Variants in CCDC92B observed in about 807,000 individuals in gnomAD.
The protein encoded by CCDC92B is coiled-coil domain-containing 92B.
CCDC92B carries 2 observed loss-of-function variants against 5.6 expected under a neutral mutation model. That is an observed-to-expected ratio of 0.36 (90% CI 0.15 to 1.12). The LOEUF is 1.12. Among genes scored for constraint, CCDC92B ranks in the 50% most tolerant of loss-of-function variants. The pLI is 0.40. For synonymous variants in CCDC92B, 115 were observed against 122.3 expected (o/e 0.94, Z 0.39); for missense variants, 271 against 262.2 (o/e 1.03, Z -0.23).
At chr17:2,725,362 GACACAACGAGATTCCGTCTCAAA>G (rs2070716206) in intron 3 of CCDC92B, among the ~76,000 whole-genome samples, 1 of 151,996 alleles carries the variant, frequency 6.6e-6, no homozygotes, top group Admixed American at 6.6e-5. Context: ...CAGCCTAGGT[GACACAACGAGATTCCGTCTCAAA>G]AAGCAAAAAC....
Position 2,723,979 on chromosome 17 carries a change from CGGGGGGT to C in CCDC92B, c.*425_*431del. 3.6e-6 allele frequency: 1 copy of C among 274,584 alleles called. No individual in the cohort carries two copies. Among genetic ancestry groups the C allele is most frequent in the Non-Finnish European group, 4.0e-6 (1 of 249,954 alleles). The allele number at this position is 274,584 out of a possible 1,614,324, so 17.0% of individuals were successfully genotyped here. ...GGCGTCGGCGCGGGGGTGGGGGAGG[CGGGGGGT>C]GGGGAGCTAGAGGGCCTGGGGCGCC... On this transcript the variant is annotated 3_prime_UTR_variant, in exon 4 of 4. Coordinates refer to ENST00000614400, the MANE Select transcript of CCDC92B (RefSeq NM_001355573.2).
chr17:2,745,674 A>G (rs1296758390), intron 1 of CCDC92B, among the ~76,000 whole-genome samples: 1 of 152,172 alleles, frequency 6.6e-6, no homozygotes, highest in East Asian at 1.9e-4. Context: ...CTAAGCCAGG[A>G]AAACGTCCGA....
chr17:2,745,799 C>T (rs1461519406), intron 1 of CCDC92B, among the ~76,000 whole-genome samples: 6 of 152,136 alleles, frequency 3.9e-5, no homozygotes, highest in Admixed American at 3.9e-4. Flanking sequence ...CTCCATCTTT[C>T]CCCCCGACAC....
At chr17:2,744,418 T>C (rs2070963001) in intron 1 of CCDC92B, among the ~76,000 whole-genome samples, 1 of 152,220 alleles carries the variant, frequency 6.6e-6, no homozygotes, top group Admixed American at 6.6e-5. Context: ...CTCGAACTCC[T>C]GGTCTCAAGC....
intron 1 of CCDC92B, among the ~76,000 whole-genome samples, chr17:2,747,460 C>T (rs1273363790): frequency 6.6e-6 from 1 of 152,162 alleles, no homozygotes; most frequent in Non-Finnish European, 1.5e-5. Context: ...GGTGCGGTGG[C>T]TCACGCCTGT....
intron 3 of CCDC92B, among the ~76,000 whole-genome samples, chr17:2,727,607 C>G (rs895628154): frequency 2.6e-5 from 4 of 152,178 alleles, no homozygotes; most frequent in Non-Finnish European, 4.4e-5. Flanking sequence ...GGGCGGATCA[C>G]AAGGTCAGGA....
At chr17:2,727,916 G>A (rs1219843848) in intron 3 of CCDC92B, among the ~76,000 whole-genome samples, 1 of 152,148 alleles carries the variant, frequency 6.6e-6, no homozygotes, top group Non-Finnish European at 1.5e-5. Context: ...GCTGAGGTGG[G>A]AGGATCTCTT....
At chr17:2,727,778 C>T (rs10445282) in intron 3 of CCDC92B, among the ~76,000 whole-genome samples, 9,544 of 149,898 alleles carry the variant, frequency 0.064, 432 homozygotes, top group East Asian at 0.16. Flanking sequence ...GAGCTGAGAT[C>T]GCGCCACTGC....
rs2070699502 is a variant in CCDC92B at position 2,724,453 on chromosome 17, C to A, written c.726G>T (p.Gln242His). ...PQEPPDRAGP[Q>H]PAPSQPSAPG... is the part of the protein sequence containing the mutation. ...GCGCGCTGGGCTGGCTGGGCGCGGGCTGCGGGCCGGCTCGGTCCGGGGGCT... is the reference window on the plus strand; with the variant it reads ...GCGCGCTGGGCTGGCTGGGCGCGGGATGCGGGCCGGCTCGGTCCGGGGGCT... The change falls in exon 4 of 4, where the codon CAG (glutamine) becomes CAT (histidine). Residue 242 changes from glutamine (Q) to histidine (H), a missense_variant. Physicochemically the swap from Gln to His is conservative, Grantham distance 24. Coordinates refer to ENST00000614400, the MANE Select transcript of CCDC92B (RefSeq NM_001355573.2). The surrounding 1 kb of genome is among the most constrained non-coding windows in gnomAD (Gnocchi z 5.0). The A allele has an allele frequency of 4.1e-6, 4 of 983,904 alleles. No individual in the cohort carries two copies. The highest frequency in any genetic ancestry group is 4.8e-6 in the Non-Finnish European group (4 of 829,464). 60.9% of individuals were successfully genotyped at this position (983,904 alleles called of 1,614,324 possible).
intron 2 of CCDC92B, among the ~76,000 whole-genome samples, chr17:2,731,042 C>T (rs1347228928): frequency 1.3e-5 from 2 of 152,228 alleles, no homozygotes; most frequent in African/African-American, 4.8e-5. Flanking sequence ...TGTGTTATTA[C>T]CTGAACATCA....
intron 1 of CCDC92B, among the ~76,000 whole-genome samples, chr17:2,738,907 C>A (rs1267719551): frequency 6.7e-6 from 1 of 150,312 alleles, no homozygotes; most frequent in Non-Finnish European, 1.5e-5. Context: ...CCTGTCTGTA[C>A]TAAAAATACA....
chr17:2,724,101 C>T lies in CCDC92B; in HGVS notation c.*310G>A, dbSNP rs1306950785. 2.0e-6 allele frequency: 2 copies of T among 985,012 alleles called. No homozygotes were observed. The highest frequency in any genetic ancestry group is 5.2e-4 in the Middle Eastern group (1 of 1,936). The allele number at this position is 985,012 out of a possible 1,614,324, so 61.0% of individuals were successfully genotyped here. ...GCTTTCCCGGGGAAGGGCGTGGCCC[C>T]CGCCCCTCCTGTCTCACAGGCAGGT... On this transcript the variant is annotated 3_prime_UTR_variant, in exon 4 of 4. Coordinates refer to ENST00000614400, the MANE Select transcript of CCDC92B (RefSeq NM_001355573.2). The surrounding 1 kb of genome is among the most constrained non-coding windows in gnomAD (Gnocchi z 5.0).
chr17:2,738,554 C>A (rs895921702), intron 1 of CCDC92B, among the ~76,000 whole-genome samples: 1 of 150,846 alleles, frequency 6.6e-6, no homozygotes, highest in Admixed American at 6.6e-5. Flanking sequence ...GGGCGGATCA[C>A]GAGGTCGGGA....
intron 1 of CCDC92B, among the ~76,000 whole-genome samples, chr17:2,739,318 G>C (rs2070897773): frequency 6.6e-6 from 1 of 151,612 alleles, no homozygotes; most frequent in African/African-American, 2.4e-5. Context: ...AGTGAGCTGA[G>C]ATCGCGCCAT....
chr17:2,745,056 G>A (rs1428830949), intron 1 of CCDC92B, among the ~76,000 whole-genome samples: 8 of 106,208 alleles, frequency 7.5e-5, no homozygotes, highest in Non-Finnish European at 7.3e-5. Context: ...CAGACAGTGA[G>A]ACCCTGTCTC....
At chr17:2,731,846 C>T (rs1198853464) in intron 2 of CCDC92B, among the ~76,000 whole-genome samples, 1 of 152,236 alleles carries the variant, frequency 6.6e-6, no homozygotes, top group Non-Finnish European at 1.5e-5. Flanking sequence ...AGCAGGGATA[C>T]CTTGGCTCCG....
chr17:2,740,965 C>CAA (rs34349370), intron 1 of CCDC92B, among the ~76,000 whole-genome samples: 14 of 50,892 alleles, frequency 2.8e-4, no homozygotes, highest in East Asian at 6.9e-4. Context: ...GACCCTGTCT[C>CAA]AAAAAAAAAA....
chr17:2,728,580 G>C (rs1024942768), intron 3 of CCDC92B, among the ~76,000 whole-genome samples: 1 of 150,632 alleles, frequency 6.6e-6, no homozygotes, highest in Non-Finnish European at 1.5e-5. Context: ...TCCAGCCTGG[G>C]CGACAGAGCG....
At chr17:2,733,033 A>T (rs199653442) in intron 2 of CCDC92B, among the ~76,000 whole-genome samples, 21 of 53,732 alleles carry the variant, frequency 3.9e-4, no homozygotes, top group African/African-American at 8.0e-4. Flanking sequence ...AATAAATAAA[A>T]ATAAATAAAT....
Sources: gnomAD v4.1 joint callset for allele counts (sites outside exome capture counted in the v4.1 genomes callset) on GRCh38, gnomAD v4.1.1 for gene constraint, Gnocchi (gnomAD v3.1) non-coding constraint, MANE v1.5 for transcripts, NCBI Gene and HGNC (gene_info 2026-07-23, HGNC 2026-07-21) for gene names.